The following NDUFAF5 variants were observed in gnomAD, a reference collection of about 807,000 sequenced individuals.
NDUFAF5 encodes the protein NADH:ubiquinone oxidoreductase complex assembly factor 5.
Under a neutral mutation model 48.9 loss-of-function variants are expected in NDUFAF5, and 34 were observed. The ratio of observed to expected loss-of-function variants is 0.70; its 90% CI spans 0.53 to 0.93. The LOEUF (loss-of-function observed/expected upper bound fraction) is 0.93. Ranked by LOEUF, NDUFAF5 falls within the 40% of genes least tolerant of loss-of-function variation. The pLI is 0.00. For synonymous variants in NDUFAF5, 153 were observed against 150.6 expected, an observed-to-expected ratio of 1.02 and a Z score of -0.12; for missense variants, 428 against 427.5, an observed-to-expected ratio of 1.00 and a Z score of -0.01.
At chr20:13,817,079 C>G (rs762149836) in intron 10 of NDUFAF5, 39 bp from the exon 11 acceptor site, 4 of 1,586,046 alleles carry the variant, frequency 2.5e-6, no homozygotes, top group Non-Finnish European at 3.5e-6. Context: ...TGTGTATTAT[C>G]TATCTATTTC....
chr20:13,809,335 C>T (rs1985529583), intron 8 of NDUFAF5, among the ~76,000 whole-genome samples: 1 of 152,032 alleles, frequency 6.6e-6, no homozygotes, highest in Admixed American at 6.6e-5. Context: ...GGGAAATGTC[C>T]CAGTCTGGGA....
In NDUFAF5 at chr20:13,794,898, C is replaced by T. The variant is rs1187663896; in HGVS notation, c.436C>T (p.Pro146Ser). Residue 146 changes from proline to serine, a missense_variant, in exon 5 of 11, where the codon CCC becomes TCC. By Grantham distance (74) the Pro-to-Ser change is moderately conservative. Coordinates refer to ENST00000378106, the MANE Select transcript of NDUFAF5 (RefSeq NM_024120.5). ...CGTTTTAGCTGATGAAGAATTCCTT[C>T]CCTTCAAAGAAAATACATTTGACCT... ...VSVLADEEFL[P>S]FKENTFDLVV... 7 of 1,613,602 alleles carry T rather than the reference C, an allele frequency of 4.3e-6. No individual in the cohort carries two copies. The highest frequency in any genetic ancestry group is 3.3e-5 in the Admixed American group (2 of 60,020).
In NDUFAF5 at chr20:13,819,944, C is replaced by A. The variant is rs1186958294; in HGVS notation, c.*2734C>A. Reference sequence around the variant, plus strand: ...GAGGAACTAGGTTCTGGGAGAAAGACTCCTTTGGAATAAAATTCATGAGCT... The same window carrying A: ...GAGGAACTAGGTTCTGGGAGAAAGAATCCTTTGGAATAAAATTCATGAGCT... On this transcript the variant is annotated 3_prime_UTR_variant, in exon 11 of 11. Transcript: ENST00000378106. 1 of 152,140 alleles carries A rather than the reference C, an allele frequency of 6.6e-6. No homozygotes were observed. Among genetic ancestry groups the A allele is most frequent in the Non-Finnish European group, 1.5e-5 (1 of 68,016 alleles). 9.4% of individuals were successfully genotyped at this position (152,140 alleles called of 1,614,324 possible). A position where few individuals can be genotyped will look rare whatever the true frequency, so the allele number is the denominator to read the frequency against.
At chr20:13,804,383 G>C (rs970420122) in intron 7 of NDUFAF5, among the ~76,000 whole-genome samples, 2 of 151,826 alleles carry the variant, frequency 1.3e-5, no homozygotes, top group African/African-American at 2.4e-5. Flanking sequence ...TACTGTCCTA[G>C]AGGTAGCTAC....
intron 3 of NDUFAF5, among the ~76,000 whole-genome samples, chr20:13,789,659 G>A (rs1262076116): frequency 1.3e-5 from 2 of 151,764 alleles, no homozygotes; most frequent in African/African-American, 2.4e-5. Flanking sequence ...GTATTTTTTA[G>A]TAGAGACGGG....
At position 13,819,282 on chromosome 20, in the gene NDUFAF5, C is replaced by CT; in HGVS notation, c.*2075dup. On this transcript the variant is annotated 3_prime_UTR_variant, in exon 11 of 11. Coordinates refer to ENST00000378106, the MANE Select transcript of NDUFAF5 (RefSeq NM_024120.5). The stretch of plus-strand genomic sequence containing the variant: ...TTAAGCAATGAAACTTTTAAAAGGT[C>CT]TTTATCAAAAATTTTTCATAAATGT... 1 of 152,228 alleles carries CT rather than the reference C, an allele frequency of 6.6e-6. No individual in the cohort carries two copies. The highest frequency in any genetic ancestry group is 1.9e-4 in the East Asian group (1 of 5,184). 9.4% of individuals were successfully genotyped at this position (152,228 alleles called of 1,614,324 possible). A position where few individuals can be genotyped will look rare whatever the true frequency, so the allele number is the denominator to read the frequency against.
At position 13,814,462 on chromosome 20, in the gene NDUFAF5, A is replaced by G. The variant is rs979903012; in HGVS notation, c.779-2001A>G. ...GACCTAATTTTACAAAACAAGCTGCATATCAGCTGATGAATGCATGAGAAA... is the reference window on the plus strand; with the variant it reads ...GACCTAATTTTACAAAACAAGCTGCGTATCAGCTGATGAATGCATGAGAAA... On this transcript the variant is annotated intron_variant, in intron 8 of 10. Transcript: ENST00000378106. The G allele has an allele frequency of 3.1e-6, 4 of 1,289,184 alleles. No individual in the cohort carries two copies. In the African/African-American group the frequency reaches 4.6e-5, roughly 15 times the overall value. 79.9% of individuals were successfully genotyped at this position (1,289,184 alleles called of 1,614,324 possible). A position where few individuals can be genotyped will look rare whatever the true frequency, so the allele number is the denominator to read the frequency against.
In NDUFAF5 at chr20:13,785,198, C is replaced by G; in HGVS notation, c.130C>G (p.Leu44Val). 1 of 1,613,872 alleles carries G rather than the reference C, an allele frequency of 6.2e-7. No individual in the cohort carries two copies. The highest frequency in any genetic ancestry group is 8.5e-7 in the Non-Finnish European group (1 of 1,179,900). The change falls in exon 1 of 11, where the codon CTG becomes GTG. Residue 44 changes from leucine to valine, a missense_variant. Physicochemically the swap from Leu to Val is conservative, Grantham distance 32 (BLOSUM62 1). Coordinates refer to ENST00000378106, the MANE Select transcript of NDUFAF5 (RefSeq NM_024120.5). ...CCGCGGTAGCACCTCGCCCAGAACC[C>G]TGAATATTTTCGACCGGGATTTGAA... Reference protein sequence around the residue: ...SPRGSTSPRTLNIFDRDLKRK... With the variant: ...SPRGSTSPRTVNIFDRDLKRK...
At chr20:13,787,083 G>GTA (rs1555830128) in intron 1 of NDUFAF5, 13 of 558,734 alleles carry the variant, frequency 2.3e-5, no homozygotes, top group South Asian at 3.8e-5. Flanking sequence ...GTGTGTGTGT[G>GTA]TATATGTATA....
chr20:13,794,839 A>C lies in NDUFAF5; in HGVS notation c.377A>C (p.Lys126Thr), dbSNP rs755535789. The C allele has an allele frequency of 1.4e-5, 23 of 1,593,674 alleles. No individual in the cohort carries two copies. Among genetic ancestry groups the C allele is most frequent in the Non-Finnish European group, 2.0e-5 (23 of 1,161,812 alleles). ...FQADIAENAL[K>T]NSSETEIPTV... ...GATCTTTCGTTTTCTTAACATTAGA[A>C]AAATTCCTCAGAAACAGAAATACCT... Residue 126 changes from lysine to threonine, a missense_variant and splice_region_variant, in exon 5 of 11, where the codon AAA becomes ACA. Physicochemically the swap from Lys to Thr is moderately conservative, Grantham distance 78 (BLOSUM62 -1). Coordinates refer to ENST00000378106, the MANE Select transcript of NDUFAF5 (RefSeq NM_024120.5).
Position 13,814,463 on chromosome 20 carries a change from T to TATC in NDUFAF5, c.779-1998_779-1996dup, listed in dbSNP as rs763386549. 3.9e-6 allele frequency: 5 copies of TATC among 1,289,140 alleles called. No homozygotes were observed. In the African/African-American group the frequency reaches 7.6e-5, roughly 20 times the overall value. 79.9% of individuals were successfully genotyped at this position (1,289,140 alleles called of 1,614,324 possible). ...ACCTAATTTTACAAAACAAGCTGCA[T>TATC]ATCAGCTGATGAATGCATGAGAAAT... On this transcript the variant is annotated intron_variant, in intron 8 of 10. Coordinates refer to ENST00000378106, the MANE Select transcript of NDUFAF5 (RefSeq NM_024120.5).
In NDUFAF5 at chr20:13,803,702, G is replaced by A. The variant is rs532733080; in HGVS notation, c.717+2019G>A. 8.6e-5 allele frequency among the ~76,000 whole-genome samples: 13 copies of A among 152,036 alleles called. No homozygotes were observed. The South Asian group carries it at 1.5e-3, about 17-fold the overall frequency. On this transcript the variant is annotated intron_variant, in intron 7 of 10. Transcript: ENST00000378106. ...AGACATTAAAACTGAATTTGTTTTCGTATTCATTTAAAGCTAACAATAATA... is the reference window on the plus strand; with the variant it reads ...AGACATTAAAACTGAATTTGTTTTCATATTCATTTAAAGCTAACAATAATA...
At chr20:13,789,032 C>A (rs1981735130) in intron 3 of NDUFAF5, among the ~76,000 whole-genome samples, 1 of 152,140 alleles carries the variant, frequency 6.6e-6, no homozygotes, top group Non-Finnish European at 1.5e-5. Flanking sequence ...CTTTCTGTAT[C>A]ATTAAATATA....
rs1986845040 is a variant in NDUFAF5 at position 13,819,615 on chromosome 20, C to T, written c.*2405C>T. 6.6e-6 allele frequency: 1 copy of T among 152,386 alleles called. No individual in the cohort carries two copies. The highest frequency in any genetic ancestry group is 1.5e-5 in the Non-Finnish European group (1 of 68,206). 9.4% of individuals were successfully genotyped at this position (152,386 alleles called of 1,614,324 possible). The stretch of plus-strand genomic sequence containing the variant: ...ATCTCTTGACCTTGTGATCTGCCCA[C>T]CTTGGCTTCCCAAAGTGCTGAGATT... On this transcript the variant is annotated 3_prime_UTR_variant, in exon 11 of 11. Coordinates refer to ENST00000378106, the MANE Select transcript of NDUFAF5 (RefSeq NM_024120.5).
Sources: allele counts gnomAD v4.1 joint callset (sites outside exome capture counted in the v4.1 genomes callset), GRCh38; gene constraint gnomAD v4.1.1; transcripts MANE v1.5; gene names NCBI Gene and HGNC (gene_info 2026-07-23, HGNC 2026-07-21).